Variants in CSMD3 observed in about 807,000 individuals in gnomAD.
CSMD3 encodes CUB and Sushi multiple domains 3.
Under a neutral mutation model 435.2 loss-of-function variants are expected in CSMD3, and 177 were observed. The ratio of observed to expected loss-of-function variants is 0.41; its 90% CI spans 0.36 to 0.46. The LOEUF is 0.46. Among genes scored for constraint, CSMD3 ranks in the 20% least tolerant of loss-of-function variants. CSMD3 has a pLI of 0.34. For synonymous variants in CSMD3, 1,656 were observed against 1,520.5 expected, an observed-to-expected ratio of 1.09 and a Z score of -2.07; for missense variants, 4,265 against 4,504.6, an observed-to-expected ratio of 0.95 and a Z score of 1.52.
At position 112,710,829 on chromosome 8, in the gene CSMD3, G is replaced by T. The variant is rs1464904406; in HGVS notation, c.1973-20779C>A. 2.0e-5 allele frequency among the ~76,000 whole-genome samples: 3 copies of T among 150,866 alleles called. 1 individual carries two copies. The highest frequency in any genetic ancestry group is 6.8e-3 in the Middle Eastern group (2 of 294). ...AGTTCCCATAAGACTTTTGTTGAGA[G>T]ATTTTGACAAAAGCTTTGTACTTCG... On this transcript the variant is annotated intron_variant, in intron 13 of 70. Transcript: ENST00000297405.
At chr8:113,012,630 T>TA (rs1439425584) in intron 6 of CSMD3, among the ~76,000 whole-genome samples, 1 of 152,032 alleles carries the variant, frequency 6.6e-6, no homozygotes, top group African/African-American at 2.4e-5. Flanking sequence ...TGCCACCATG[T>TA]AAAACATGCT....
intron 35 of CSMD3, among the ~76,000 whole-genome samples, chr8:112,402,694 A>C (rs1185687796): frequency 6.6e-6 from 1 of 152,162 alleles, no homozygotes; most frequent in Non-Finnish European, 1.5e-5. Context: ...AGGCAGAAAT[A>C]ATGATTCTTA....
intron 42 of CSMD3, among the ~76,000 whole-genome samples, chr8:112,339,711 T>C (rs559436157): frequency 2.2e-4 from 33 of 152,172 alleles, no homozygotes; most frequent in Non-Finnish European, 3.2e-4. Flanking sequence ...CTCTAAATTG[T>C]ACAGTATAAC....
intron 38 of CSMD3, among the ~76,000 whole-genome samples, chr8:112,374,294 C>G (rs539870470): frequency 6.6e-6 from 1 of 152,078 alleles, no homozygotes; most frequent in Middle Eastern, 3.2e-3. Context: ...TTTCTCATCT[C>G]TCTTTATCAG....
At chr8:113,342,093 CAAG>C (rs1463481055) in intron 1 of CSMD3, among the ~76,000 whole-genome samples, 2 of 149,986 alleles carry the variant, frequency 1.3e-5, no homozygotes, top group African/African-American at 4.9e-5. Flanking sequence ...AAAAAAAAAA[CAAG>C]AAGAAAATTT....
intron 58 of CSMD3, among the ~76,000 whole-genome samples, chr8:112,282,538 A>G (rs1818764291): frequency 6.6e-6 from 1 of 152,032 alleles, no homozygotes; most frequent in South Asian, 2.1e-4. Flanking sequence ...TTTATTTTGA[A>G]ATAGAGACCT....
At chr8:113,117,555 C>T (rs2090869609) in intron 4 of CSMD3, among the ~76,000 whole-genome samples, 1 of 152,172 alleles carries the variant, frequency 6.6e-6, no homozygotes, top group South Asian at 2.1e-4. Flanking sequence ...GTGGCACTGC[C>T]TAGTGGAGCT....
chr8:112,438,430 A>T (rs953582205), intron 32 of CSMD3, among the ~76,000 whole-genome samples: 2 of 152,178 alleles, frequency 1.3e-5, no homozygotes, highest in African/African-American at 4.8e-5. Flanking sequence ...GACTAAATTA[A>T]TCTCATTGAT....
At chr8:112,580,358 G>C (rs1367240756) in intron 23 of CSMD3, among the ~76,000 whole-genome samples, 1 of 151,988 alleles carries the variant, frequency 6.6e-6, no homozygotes, top group Admixed American at 6.6e-5. Context: ...CCCTAGATGA[G>C]TTAAGCGGAG....
chr8:113,241,660 G>A (rs1230246335), intron 3 of CSMD3, among the ~76,000 whole-genome samples: 1 of 151,526 alleles, frequency 6.6e-6, no homozygotes, highest in Non-Finnish European at 1.5e-5. Context: ...TGGCAGTGTG[G>A]AAGTATAGTT....
At chr8:113,040,120 A>G (rs1175951980) in intron 5 of CSMD3, among the ~76,000 whole-genome samples, 4 of 152,270 alleles carry the variant, frequency 2.6e-5, no homozygotes, top group African/African-American at 9.6e-5. Context: ...CCTGTCTGAT[A>G]ATGGTCCTAT....
chr8:113,287,669 A>G (rs2093656773), intron 2 of CSMD3, among the ~76,000 whole-genome samples: 1 of 151,990 alleles, frequency 6.6e-6, no homozygotes, highest in African/African-American at 2.4e-5. Context: ...CACTTCCATA[A>G]GATTTGGAAT....
intron 23 of CSMD3, among the ~76,000 whole-genome samples, chr8:112,578,013 A>G (rs1830072480): frequency 6.6e-6 from 1 of 152,044 alleles, no homozygotes; most frequent in African/African-American, 2.4e-5. Context: ...CTTGGATCCT[A>G]GCATTTTTAC....
Position 112,844,767 on chromosome 8 carries a change from C to A in CSMD3, c.1755+14378G>T, listed in dbSNP as rs570145336. On this transcript the variant is annotated intron_variant, in intron 11 of 70. Coordinates refer to ENST00000297405, the MANE Select transcript of CSMD3 (RefSeq NM_198123.2). ...TCTGTCACTGACATCCAAACCTAAT[C>A]ATAATTGAAAAGCCTGTGCATCTCG... Among the ~76,000 whole-genome samples, 3 of 152,008 alleles carry A rather than the reference C, an allele frequency of 2.0e-5. No homozygotes were observed. In the South Asian group the frequency reaches 6.2e-4, roughly 32 times the overall value.
intron 27 of CSMD3, among the ~76,000 whole-genome samples, chr8:112,533,307 T>C (rs1825720520): frequency 6.6e-6 from 1 of 152,018 alleles, no homozygotes; most frequent in South Asian, 2.1e-4. Flanking sequence ...TTGACTCAAT[T>C]TTCAATTGAA....
chr8:112,918,082 G>A (rs1243012146), intron 10 of CSMD3, among the ~76,000 whole-genome samples: 1 of 151,694 alleles, frequency 6.6e-6, no homozygotes, highest in Non-Finnish European at 1.5e-5. Context: ...ATATTATCTA[G>A]TTTTGTGTTT....
chr8:112,564,033 A>C (rs894261011), intron 24 of CSMD3, among the ~76,000 whole-genome samples: 4 of 152,056 alleles, frequency 2.6e-5, no homozygotes, highest in Admixed American at 2.6e-4. Flanking sequence ...TTTTAAACTA[A>C]AAAAGAATTT....
intron 27 of CSMD3, among the ~76,000 whole-genome samples, chr8:112,548,885 A>T (rs1218876136): frequency 6.6e-6 from 1 of 152,152 alleles, no homozygotes; most frequent in Non-Finnish European, 1.5e-5. Flanking sequence ...AGGCAGAGTT[A>T]TTAAAGCTCT....
chr8:112,930,882 A>T (rs2083085080), intron 9 of CSMD3, among the ~76,000 whole-genome samples: 1 of 152,106 alleles, frequency 6.6e-6, no homozygotes, highest in South Asian at 2.1e-4. Context: ...TACCCCTTGA[A>T]TCCTATATGG....
Sources: allele counts gnomAD v4.1 joint callset (sites outside exome capture counted in the v4.1 genomes callset), GRCh38; gene constraint gnomAD v4.1.1; transcripts MANE v1.5; gene names NCBI Gene and HGNC (gene_info 2026-07-23, HGNC 2026-07-21).